Variants in SH2D4A observed in about 807,000 individuals in gnomAD.
SH2D4A encodes the protein SH2 domain-containing protein 4A.
SH2D4A carries 70 observed loss-of-function variants against 64.7 expected under a neutral mutation model. The observed-to-expected ratio is 1.08, with a 90% CI of 0.89 to 1.32. The LOEUF is 1.32. SH2D4A is among the 40% of genes most tolerant of loss of function. The pLI, the probability that SH2D4A is intolerant of heterozygous loss-of-function variation, is 0.00. For missense variants in SH2D4A, 706 were observed against 540.1 expected (o/e 1.31, Z -3.04); for synonymous variants, 268 against 200.7 (o/e 1.34, Z -2.83).
intron 5 of SH2D4A, among the ~76,000 whole-genome samples, chr8:19,359,268 T>C (rs948082359): frequency 6.6e-6 from 1 of 152,190 alleles, no homozygotes; most frequent in Non-Finnish European, 1.5e-5. Context: ...CATAATTACA[T>C]GCAGATTAAA....
intron 8 of SH2D4A, among the ~76,000 whole-genome samples, chr8:19,390,053 G>A (rs1271330421): frequency 6.6e-6 from 1 of 152,154 alleles, no homozygotes; most frequent in African/African-American, 2.4e-5. Context: ...TGTGCAAAGG[G>A]CAATGCAGGG....
At chr8:19,384,072 G>C (rs1261029343) in intron 8 of SH2D4A, among the ~76,000 whole-genome samples, 1 of 152,112 alleles carries the variant, frequency 6.6e-6, no homozygotes, top group South Asian at 2.1e-4. Context: ...GTATCATTTT[G>C]AGTAACAGTG....
At chr8:19,327,898 G>A (rs553582074) in intron 2 of SH2D4A, among the ~76,000 whole-genome samples, 42 of 152,160 alleles carry the variant, frequency 2.8e-4, no homozygotes, top group Non-Finnish European at 5.3e-4. Context: ...CCCAGAATGA[G>A]TCTCTCTGAA....
At chr8:19,324,482 A>G (rs982960487) in intron 2 of SH2D4A, among the ~76,000 whole-genome samples, 1 of 152,004 alleles carries the variant, frequency 6.6e-6, no homozygotes, top group Non-Finnish European at 1.5e-5. Context: ...TTTTGAACTC[A>G]CTGCATGCAG....
intron 8 of SH2D4A, among the ~76,000 whole-genome samples, chr8:19,375,818 T>C (rs2053185791): frequency 6.6e-6 from 1 of 152,188 alleles, no homozygotes; most frequent in South Asian, 2.1e-4. Flanking sequence ...TATTCCACAT[T>C]GGGTTCATAT....
chr8:19,373,599 G>A lies in SH2D4A; in HGVS notation c.987G>A (p.Glu329=). The A allele has an allele frequency of 1.9e-6, 3 of 1,613,318 alleles. No individual in the cohort carries two copies. The highest frequency in any genetic ancestry group is 1.1e-5 in the South Asian group (1 of 91,034). The change falls in exon 8 of 10, where the codon GAG becomes GAA. Residue 329 remains glutamate (E), a synonymous_variant. Coordinates refer to ENST00000265807, the MANE Select transcript of SH2D4A (RefSeq NM_022071.4). ...ACATCATCCGGTGGTTTAAAGAGGAGCAGCTACCACTTCGAGCGGGCTACC... is the reference window on the plus strand; with the variant it reads ...ACATCATCCGGTGGTTTAAAGAGGAACAGCTACCACTTCGAGCGGGCTACC... ...QEDIIRWFKE[E]QLPLRAGYQK... is the part of the protein sequence containing the mutation.
chr8:19,338,604 G>A (rs900148438), intron 4 of SH2D4A, among the ~76,000 whole-genome samples: 1 of 152,206 alleles, frequency 6.6e-6, no homozygotes, highest in African/African-American at 2.4e-5. Context: ...GATGGAGGAA[G>A]AGACCATACG....
chr8:19,315,199 G>A (rs1479764461), intron 1 of SH2D4A, among the ~76,000 whole-genome samples: 1 of 152,070 alleles, frequency 6.6e-6, no homozygotes, highest in Non-Finnish European at 1.5e-5. Flanking sequence ...GCAGTGGTGC[G>A]ATCTCGGCTC....
At position 19,332,965 on chromosome 8, in the gene SH2D4A, A is replaced by G. The variant is rs1242194986; in HGVS notation, c.192A>G (p.Lys64=). Residue 64 remains lysine (K), a synonymous_variant, in exon 3 of 10, where the codon AAA becomes AAG. Transcript: ENST00000265807. ...TGTGTTTGTTTGCAGAGAATGGCAAATCGGTTCATTGGAAACTTGGAGCTG... is the reference window on the plus strand; with the variant it reads ...TGTGTTTGTTTGCAGAGAATGGCAAGTCGGTTCATTGGAAACTTGGAGCTG... The part of the protein sequence containing the change: ...VKPRPKKENG[K]SVHWKLGADK... 1.9e-6 allele frequency: 3 copies of G among 1,610,570 alleles called. No homozygotes were observed. In the South Asian group the frequency reaches 3.3e-5, roughly 18 times the overall value.
intron 4 of SH2D4A, among the ~76,000 whole-genome samples, chr8:19,337,464 A>C (rs945292724): frequency 1.3e-5 from 2 of 152,188 alleles, no homozygotes; most frequent in East Asian, 3.9e-4. Flanking sequence ...AAAGGATCTC[A>C]AGATGAGATC....
At chr8:19,363,347 T>C (rs571473592) in intron 6 of SH2D4A, among the ~76,000 whole-genome samples, 9 of 152,148 alleles carry the variant, frequency 5.9e-5, no homozygotes, top group African/African-American at 2.2e-4. Context: ...AAAGTGCAGG[T>C]ATTACAGGTA....
chr8:19,391,319 G>C (rs1379993052), intron 8 of SH2D4A, among the ~76,000 whole-genome samples: 1 of 152,162 alleles, frequency 6.6e-6, no homozygotes, highest in African/African-American at 2.4e-5. Context: ...CATGATTTGA[G>C]TACCTCATGG....
chr8:19,334,473 C>A (rs1249036087), intron 3 of SH2D4A, among the ~76,000 whole-genome samples: 2 of 152,102 alleles, frequency 1.3e-5, no homozygotes, highest in Non-Finnish European at 2.9e-5. Flanking sequence ...GCTCTTATAA[C>A]AAAGTGAGGA....
chr8:19,387,506 C>G (rs1398690342), intron 8 of SH2D4A, among the ~76,000 whole-genome samples: 2 of 152,246 alleles, frequency 1.3e-5, no homozygotes, highest in Admixed American at 6.5e-5. Flanking sequence ...TCCCAAAGTG[C>G]TGGGATTATG....
At chr8:19,381,375 A>T (rs879675460) in intron 8 of SH2D4A, among the ~76,000 whole-genome samples, 1 of 152,134 alleles carries the variant, frequency 6.6e-6, no homozygotes, top group African/African-American at 2.4e-5. Context: ...TTTTTATTGT[A>T]TAAGTCTTTC....
At chr8:19,324,329 G>A (rs908429675) in intron 2 of SH2D4A, among the ~76,000 whole-genome samples, 1 of 152,212 alleles carries the variant, frequency 6.6e-6, no homozygotes, top group Admixed American at 6.5e-5. Flanking sequence ...AAACAGACTT[G>A]GATTCATACA....
intron 8 of SH2D4A, among the ~76,000 whole-genome samples, chr8:19,380,412 C>T (rs1041223843): frequency 3.9e-5 from 6 of 151,968 alleles, no homozygotes; most frequent in South Asian, 2.1e-4. Context: ...TTGTGTTGCT[C>T]GTGCCTTTGG....
chr8:19,340,254 A>G (rs2052508561), intron 4 of SH2D4A, among the ~76,000 whole-genome samples: 1 of 152,168 alleles, frequency 6.6e-6, no homozygotes, highest in South Asian at 2.1e-4. Flanking sequence ...AGGGCCAGGC[A>G]AGACAGGGTC....
At chr8:19,364,669 C>A (rs1289414829) in intron 7 of SH2D4A, among the ~76,000 whole-genome samples, 1 of 152,028 alleles carries the variant, frequency 6.6e-6, no homozygotes, top group Non-Finnish European at 1.5e-5. Context: ...CCAAGATCAC[C>A]CTTAGTCAAA....
Sources: gnomAD v4.1 joint callset for allele counts (sites outside exome capture counted in the v4.1 genomes callset) on GRCh38, gnomAD v4.1.1 for gene constraint, MANE v1.5 for transcripts, NCBI Gene and HGNC (gene_info 2026-07-23, HGNC 2026-07-21) for gene names.